The following THAP4 variants were observed in gnomAD, a reference collection of about 807,000 sequenced individuals.
The protein encoded by THAP4 is peroxynitrite isomerase THAP4.
A neutral mutation model predicts 48.1 loss-of-function variants in THAP4; 18 were observed. The ratio of observed to expected loss-of-function variants is 0.37; its 90% CI spans 0.26 to 0.56. The LOEUF is 0.56. THAP4 is among the 20% of genes least tolerant of loss of function. The pLI is 0.78. For missense variants in THAP4, 656 were observed against 774.9 expected (o/e 0.85, Z 1.82); for synonymous variants, 345 against 324.9 (o/e 1.06, Z -0.66).
intron 2 of THAP4, among the ~76,000 whole-genome samples, chr2:241,622,631 G>T (rs2067445365): frequency 6.6e-6 from 1 of 152,046 alleles, no homozygotes; most frequent in South Asian, 2.1e-4. Flanking sequence ...ATAGGGTTTT[G>T]TTCTGTTTCC....
intron 2 of THAP4, among the ~76,000 whole-genome samples, chr2:241,627,899 C>A (rs2125096399): frequency 6.6e-6 from 1 of 152,206 alleles, no homozygotes; most frequent in African/African-American, 2.4e-5. Flanking sequence ...CCCTTGCTCT[C>A]CAGAGCCTGG....
chr2:241,594,503 C>T (rs966038008), intron 5 of THAP4: 2 of 242,972 alleles, frequency 8.2e-6, no homozygotes, highest in Non-Finnish European at 1.7e-5. Flanking sequence ...GGTGGGTATA[C>T]TGCTTGAGTT....
At chr2:241,608,890 T>C (rs1457918204) in intron 2 of THAP4, among the ~76,000 whole-genome samples, 1 of 152,202 alleles carries the variant, frequency 6.6e-6, no homozygotes, top group Non-Finnish European at 1.5e-5. Flanking sequence ...TCCCTGCAGC[T>C]ACCCTGGAGA....
chr2:241,626,632 C>A (rs796104871), intron 2 of THAP4, among the ~76,000 whole-genome samples: 1 of 151,424 alleles, frequency 6.6e-6, no homozygotes, highest in Non-Finnish European at 1.5e-5. Flanking sequence ...GGCGTGATCT[C>A]GACTCACTGC....
Position 241,601,759 on chromosome 2 carries a change from AAAG to A in THAP4, c.1614+134_1614+136del, listed in dbSNP as rs1380342834. On this transcript the variant is annotated intron_variant, in intron 5 of 5. Transcript: ENST00000407315. The surrounding 1 kb of genome is among the most constrained non-coding windows in gnomAD (Gnocchi z 4.0). ...CCACCCTGGATGGTCCGAGAAGGGA[AAAG>A]AAGGAGACAGTGAAGACAGGCCTGT... The A allele has an allele frequency of 6.7e-6, 10 of 1,502,678 alleles. No homozygotes were observed. The highest frequency in any genetic ancestry group is 2.5e-5 in the East Asian group (1 of 40,312). 93.1% of individuals were successfully genotyped at this position (1,502,678 alleles called of 1,614,324 possible).
At chr2:241,617,451 T>C (rs1169051936) in intron 2 of THAP4, 5 of 1,551,162 alleles carry the variant, frequency 3.2e-6, no homozygotes, top group Non-Finnish European at 4.4e-6. Flanking sequence ...CTCGTCAAGG[T>C]TCCTCAAGGT....
intron 2 of THAP4, among the ~76,000 whole-genome samples, chr2:241,621,243 G>A (rs2067425886): frequency 6.6e-6 from 1 of 152,150 alleles, no homozygotes; most frequent in Non-Finnish European, 1.5e-5. Context: ...ATCTACTCGG[G>A]AGGCTGAGGT....
At chr2:241,598,255 C>G (rs2067073312) in intron 5 of THAP4, among the ~76,000 whole-genome samples, 1 of 152,194 alleles carries the variant, frequency 6.6e-6, no homozygotes, top group African/African-American at 2.4e-5. Context: ...GGTCTGGTTA[C>G]CAGATACCTT....
At chr2:241,590,051 G>A (rs1348776606) in intron 5 of THAP4, among the ~76,000 whole-genome samples, 644 of 24,590 alleles carry the variant, frequency 0.026, no homozygotes, top group South Asian at 0.055. Flanking sequence ...ACTAGGACAC[G>A]CAGAGCTGCT....
At chr2:241,636,915 G>A in intron 1 of THAP4, 26 bp downstream of exon 1, 2 of 1,216,072 alleles carry the variant, frequency 1.6e-6, no homozygotes, top group Non-Finnish European at 1.1e-6. Context: ...TCGGGGCGGG[G>A]GCGTGGCGGC....
At chr2:241,614,573 T>C (rs1220565172) in intron 2 of THAP4, among the ~76,000 whole-genome samples, 1 of 152,160 alleles carries the variant, frequency 6.6e-6, no homozygotes, top group Non-Finnish European at 1.5e-5. Flanking sequence ...CTGATACATA[T>C]TGAACTCTGT....
At chr2:241,629,535 T>G (rs1215122250) in intron 2 of THAP4, among the ~76,000 whole-genome samples, 1 of 148,956 alleles carries the variant, frequency 6.7e-6, no homozygotes, top group African/African-American at 2.5e-5. Flanking sequence ...AAGAAAACGG[T>G]GAGGAAGCCT....
intron 1 of THAP4, among the ~76,000 whole-genome samples, chr2:241,636,480 C>T (rs1039877234): frequency 1.3e-5 from 2 of 152,168 alleles, no homozygotes; most frequent in African/African-American, 4.8e-5. Context: ...AGACTCTCCG[C>T]GCGTACCCGC....
rs372206551 is a variant in THAP4, at chr2:241,633,261, C to G, written c.896G>C (p.Ser299Thr). 1.2e-6 allele frequency: 2 copies of G among 1,611,160 alleles called. No homozygotes were observed. The highest frequency in any genetic ancestry group is 1.7e-6 in the Non-Finnish European group (2 of 1,179,424). ...GACGTCGGCAGGAGGGGCAGAGGGG[C>G]TCTGGGAAGGCTTCTGCGGTGTCGC... is the stretch of plus-strand genomic sequence containing the variant. ...LTATPQKPSQ[S>T]PSAPPADVTP... The change falls in exon 2 of 6, where the codon AGC becomes ACC. Residue 299 changes from serine (S) to threonine (T), a missense_variant. Ser to Thr is a moderately conservative substitution (Grantham distance 58). Coordinates refer to ENST00000407315, the MANE Select transcript of THAP4 (RefSeq NM_015963.6). This position sits in a 1 kb window ranked among gnomAD's most constrained non-coding sequence, Gnocchi z 7.5.
chr2:241,590,180 CTGA>C (rs112651746), intron 5 of THAP4, among the ~76,000 whole-genome samples: 66 of 126,124 alleles, frequency 5.2e-4, no homozygotes, highest in African/African-American at 1.3e-3. Flanking sequence ...AGCTGCCCGG[CTGA>C]TGATAATGGG....
At chr2:241,592,671 C>T (rs570557317) in intron 5 of THAP4, among the ~76,000 whole-genome samples, 2 of 152,360 alleles carry the variant, frequency 1.3e-5, no homozygotes, top group South Asian at 4.1e-4. Flanking sequence ...GCCTCACTTC[C>T]CCAACATAAG....
intron 2 of THAP4, among the ~76,000 whole-genome samples, chr2:241,623,899 C>T (rs1372307358): frequency 6.6e-6 from 1 of 152,174 alleles, no homozygotes; most frequent in Non-Finnish European, 1.5e-5. Context: ...AGGTCTTTTC[C>T]CACACTGACC....
chr2:241,599,844 CA>C (rs1405257980), intron 5 of THAP4, among the ~76,000 whole-genome samples: 2 of 152,144 alleles, frequency 1.3e-5, no homozygotes, highest in Non-Finnish European at 2.9e-5. Flanking sequence ...TTCCCTTAGA[CA>C]TTAACATGTA....
At chr2:241,630,941 G>A (rs2067551312) in intron 2 of THAP4, among the ~76,000 whole-genome samples, 1 of 151,832 alleles carries the variant, frequency 6.6e-6, no homozygotes, top group African/African-American at 2.4e-5. Context: ...TAGGAGAATT[G>A]CTTGAACCCA....
Sources: gnomAD v4.1 joint callset for allele counts (sites outside exome capture counted in the v4.1 genomes callset) on GRCh38, gnomAD v4.1.1 for gene constraint, Gnocchi (gnomAD v3.1) non-coding constraint, MANE v1.5 for transcripts, NCBI Gene and HGNC (gene_info 2026-07-23, HGNC 2026-07-21) for gene names.